Variants in CDH12 observed in about 807,000 individuals in gnomAD.
The protein encoded by CDH12 is cadherin-12.
Under a neutral mutation model 74.1 loss-of-function variants are expected in CDH12, and 41 were observed. The ratio of observed to expected loss-of-function variants is 0.55; its 90% CI spans 0.43 to 0.72. The LOEUF (loss-of-function observed/expected upper bound fraction) is 0.72, where lower values mean the gene tolerates loss of function less well. CDH12 is among the 30% of genes least tolerant of loss of function. The pLI is 0.00. For synonymous variants in CDH12, 399 were observed against 355.0 expected (o/e 1.12, Z -1.39); for missense variants, 945 against 977.2 (o/e 0.97, Z 0.44).
intron 1 of CDH12, among the ~76,000 whole-genome samples, chr5:22,752,920 AG>A (rs1208008681): frequency 6.6e-6 from 1 of 151,946 alleles, no homozygotes; most frequent in Non-Finnish European, 1.5e-5. Flanking sequence ...AAGACAGATA[AG>A]GCAAGTAATA....
rs1351808548 is a variant in CDH12 at position 22,244,764 on chromosome 5, GAA to G, written c.-332-32123_-332-32122del. Among the ~76,000 whole-genome samples the G allele has an allele frequency of 5.0e-5, 6 of 119,230 alleles. No homozygotes were observed. In the East Asian group the frequency reaches 1.3e-3, roughly 25 times the overall value. 78.2% of individuals were successfully genotyped at this position (119,230 alleles called of 152,430 possible). ...GAAAAGAAAGAAAGAAAGAAAGAAA[GAA>G]AGAAAGAAAGAAAGAAAGAAAGAAA... On this transcript the variant is annotated intron_variant, in intron 3 of 14. Transcript: ENST00000382254.
In CDH12 at chr5:22,085,154, A is replaced by G. The variant is rs1360488032; in HGVS notation, c.-186-6292T>C. ...TCGGATGATGACTCTCTGGAGCCCA[A>G]CATCCCTTTTAGCAGGAGGGATTTT... On this transcript the variant is annotated intron_variant, in intron 4 of 14. Coordinates refer to ENST00000382254, the MANE Select transcript of CDH12 (RefSeq NM_004061.5). Among the ~76,000 whole-genome samples, 6 of 149,882 alleles carry G rather than the reference A, an allele frequency of 4.0e-5. No homozygotes were observed. In the East Asian group the frequency reaches 9.7e-4, roughly 24 times the overall value.
intron 2 of CDH12, among the ~76,000 whole-genome samples, chr5:22,423,313 T>C (rs1401549513): frequency 6.6e-6 from 1 of 151,928 alleles, no homozygotes; most frequent in Non-Finnish European, 1.5e-5. Context: ...CAAATACTAC[T>C]TCTGAGAATC....
At chr5:22,766,444 G>A (rs1746519583) in intron 1 of CDH12, among the ~76,000 whole-genome samples, 1 of 152,110 alleles carries the variant, frequency 6.6e-6, no homozygotes, top group East Asian at 1.9e-4. Flanking sequence ...ATCAATAAGG[G>A]TAAATTATTA....
chr5:22,154,860 T>C (rs554494363), intron 4 of CDH12, among the ~76,000 whole-genome samples: 43 of 152,212 alleles, frequency 2.8e-4, no homozygotes, highest in African/African-American at 9.6e-4. Flanking sequence ...AGTCCTCTTC[T>C]CAGGGTCTCA....
chr5:22,384,537 AAAAG>A (rs776999361), intron 3 of CDH12, among the ~76,000 whole-genome samples: 2,160 of 137,834 alleles, frequency 0.016, 31 homozygotes, highest in Non-Finnish European at 0.026. Context: ...AAAAAAAAAA[AAAAG>A]AAAAAGAAAA....
chr5:22,476,437 T>C (rs1031248393), intron 2 of CDH12, among the ~76,000 whole-genome samples: 2 of 152,114 alleles, frequency 1.3e-5, no homozygotes, highest in African/African-American at 4.8e-5. Context: ...ATTCACATTT[T>C]AGGAAACTTA....
chr5:22,317,084 G>A (rs1197883837), intron 3 of CDH12, among the ~76,000 whole-genome samples: 1 of 152,034 alleles, frequency 6.6e-6, no homozygotes, highest in Non-Finnish European at 1.5e-5. Flanking sequence ...TTGGGAGACC[G>A]AGGTGGGCAG....
intron 10 of CDH12, among the ~76,000 whole-genome samples, chr5:21,795,304 T>A (rs1438814493): frequency 2.0e-5 from 3 of 151,784 alleles, no homozygotes; most frequent in Non-Finnish European, 4.4e-5. Flanking sequence ...AATACTGAAA[T>A]TATCATAGTT....
rs181045410 is a variant in CDH12 at position 22,776,989 on chromosome 5, T to C, written c.-523+76069A>G. 4.1e-3 allele frequency among the ~76,000 whole-genome samples: 620 copies of C among 152,288 alleles called. 6 individuals are homozygous for C. Among genetic ancestry groups the C allele is most frequent in the African/African-American group, 0.014 (579 of 41,566 alleles). On this transcript the variant is annotated intron_variant, in intron 1 of 14. Transcript: ENST00000382254. ...ACCAAGTAAAAATGTTGAAGAGTTA[T>C]TGTCTTCCACACCTCCATTTTTTAA...
chr5:22,036,527 C>G (rs1561044347), intron 5 of CDH12, among the ~76,000 whole-genome samples: 1 of 152,040 alleles, frequency 6.6e-6, no homozygotes. Flanking sequence ...TGTCATTGGG[C>G]TCAGTTTGGA....
chr5:21,883,860 G>T, intron 6 of CDH12: 3 of 1,607,264 alleles, frequency 1.9e-6, no homozygotes, highest in Non-Finnish European at 2.6e-6. Flanking sequence ...AGTTACAGAT[G>T]CCCTTAATGC....
intron 2 of CDH12, among the ~76,000 whole-genome samples, chr5:22,484,175 A>AAAC: frequency 6.6e-6 from 1 of 152,234 alleles, no homozygotes; most frequent in South Asian, 2.1e-4. Context: ...TTTTTCTAAA[A>AAAC]AACAGTATTT....
chr5:22,773,210 A>G lies in CDH12; in HGVS notation c.-523+79848T>C, dbSNP rs185674068. Among the ~76,000 whole-genome samples the G allele has an allele frequency of 5.4e-4, 82 of 152,212 alleles. 1 individual carries two copies. Among genetic ancestry groups the G allele is most frequent in the Admixed American group, 4.9e-3 (75 of 15,246 alleles). ...TGAATTACCAAGGCAATCCTAAGCA[A>G]AAAGATCAAAACCAGATATATGATA... On this transcript the variant is annotated intron_variant, in intron 1 of 14. Transcript: ENST00000382254.
At chr5:22,453,304 T>C (rs555823223) in intron 2 of CDH12, among the ~76,000 whole-genome samples, 113 of 152,248 alleles carry the variant, frequency 7.4e-4, no homozygotes, top group African/African-American at 2.6e-3. Flanking sequence ...TGCAGCATTC[T>C]TCACAATAAC....
At chr5:21,828,063 AG>A (rs879296271) in intron 8 of CDH12, among the ~76,000 whole-genome samples, 4 of 152,178 alleles carry the variant, frequency 2.6e-5, no homozygotes, top group Non-Finnish European at 5.9e-5. Flanking sequence ...CAACACTAAA[AG>A]TTTTTTCATA....
At chr5:22,823,371 C>T (rs548770336) in intron 1 of CDH12, among the ~76,000 whole-genome samples, 1 of 152,182 alleles carries the variant, frequency 6.6e-6, no homozygotes, top group African/African-American at 2.4e-5. Context: ...TATCCTAAAA[C>T]TTAAAGTATA....
At chr5:21,841,212 C>A (rs1174963159) in intron 8 of CDH12, among the ~76,000 whole-genome samples, 1 of 151,396 alleles carries the variant, frequency 6.6e-6, no homozygotes, top group East Asian at 1.9e-4. Flanking sequence ...TGAACAGACA[C>A]TTCTCAAAAG....
At chr5:22,843,112 T>C (rs1737150220) in intron 1 of CDH12, among the ~76,000 whole-genome samples, 2 of 152,098 alleles carry the variant, frequency 1.3e-5, no homozygotes, top group South Asian at 2.1e-4. Context: ...TAACCATTAA[T>C]GAATATATCT....
Sources: gnomAD v4.1 joint callset for allele counts (sites outside exome capture counted in the v4.1 genomes callset) on GRCh38, gnomAD v4.1.1 for gene constraint, MANE v1.5 for transcripts, NCBI Gene and HGNC (gene_info 2026-07-23, HGNC 2026-07-21) for gene names.